SYNRG: variants seen among roughly 807,000 people sequenced by gnomAD.
The protein encoded by SYNRG is AP1 gamma subunit binding protein 1.
SYNRG carries 37 observed loss-of-function variants against 130.9 expected under a neutral mutation model. That is an observed-to-expected ratio of 0.28 (90% CI 0.22 to 0.37). SYNRG has a LOEUF of 0.37. Among genes scored for constraint, SYNRG ranks in the 10% least tolerant of loss-of-function variants. The probability of loss-of-function intolerance (pLI) is 1.00; values close to 1 mark genes in which losing one functional copy is unlikely to be tolerated. For synonymous variants in SYNRG, 539 were observed against 568.1 expected, an observed-to-expected ratio of 0.95 and a Z score of 0.73; for missense variants, 1,338 against 1,588.9, an observed-to-expected ratio of 0.84 and a Z score of 2.68.
chr17:37,561,212 G>A lies in SYNRG; in HGVS notation c.1646C>T (p.Ala549Val), dbSNP rs2145662039. The change falls in exon 13 of 22, where the codon GCA becomes GTA. Residue 549 changes from alanine (A) to valine (V), a missense_variant. Ala to Val is a moderately conservative substitution (Grantham distance 64). Around this residue, in one of 3 missense-constraint regions of SYNRG, gnomAD observed 1,146 missense variants for 1,342.3 expected, o/e 0.85. Coordinates refer to ENST00000612223, the MANE Select transcript of SYNRG (RefSeq NM_007247.6). ...AAACTTACCTAAAGGTTTATTCTCT[G>A]CTGTCTGTTCAAGTTCTCTGAAAGC... ...YSAFRELEQT[A>V]ENKPLGESFA... 6.2e-7 allele frequency: 1 copy of A among 1,613,484 alleles called. No individual in the cohort carries two copies. Among genetic ancestry groups the A allele is most frequent in the East Asian group, 2.2e-5 (1 of 44,850 alleles).
chr17:37,517,207 T>TC lies in SYNRG; in HGVS notation c.*1732dup, dbSNP rs1007848980. On this transcript the variant is annotated 3_prime_UTR_variant, in exon 22 of 22. Coordinates refer to ENST00000612223, the MANE Select transcript of SYNRG (RefSeq NM_007247.6). The stretch of plus-strand genomic sequence containing the variant: ...CAAGCCTGGGCAACAAGAGTGAAAC[T>TC]CCATCTCAAAAAAAAACAAAGAATT... 1 of 152,344 alleles carries TC rather than the reference T, an allele frequency of 6.6e-6. No individual in the cohort carries two copies. The highest frequency in any genetic ancestry group is 2.4e-5 in the African/African-American group (1 of 41,230). 9.4% of individuals were successfully genotyped at this position (152,344 alleles called of 1,614,324 possible). A position where few individuals can be genotyped will look rare whatever the true frequency, so the allele number is the denominator to read the frequency against.
rs755315576 is a variant in SYNRG at position 37,561,529 on chromosome 17, A to G, written c.1542T>C (p.Tyr514=). 14 of 1,613,790 alleles carry G rather than the reference A, an allele frequency of 8.7e-6. No individual in the cohort carries two copies. The highest frequency in any genetic ancestry group is 6.6e-5 in the South Asian group (6 of 91,072). Residue 514 remains tyrosine (Y), a synonymous_variant, in exon 12 of 22, where the codon TAT becomes TAC. Transcript: ENST00000612223. ...CAGCTGCAATTCCTTTAAACACAGC[A>G]TATTTGTCCATTGAAGGCAATGCTT... ...GTKALPSMDK[Y]AVFKGIAADK...
At chr17:37,561,310 G>T in intron 12 of SYNRG, 53 bp from the exon 13 acceptor site, 1 of 1,579,250 alleles carries the variant, frequency 6.3e-7, no homozygotes, top group South Asian at 1.1e-5. Flanking sequence ...TGAAATCACA[G>T]CTCCAGGAAG....
At chr17:37,550,572 C>G (rs1425211857) in intron 14 of SYNRG, among the ~76,000 whole-genome samples, 5 of 151,546 alleles carry the variant, frequency 3.3e-5, no homozygotes, top group Admixed American at 6.6e-5. Context: ...TACAGAAGAG[C>G]TGGAAAAGAA....
At chr17:37,596,727 T>C (rs2062808327) in intron 2 of SYNRG, among the ~76,000 whole-genome samples, 1 of 152,136 alleles carries the variant, frequency 6.6e-6, no homozygotes, top group Non-Finnish European at 1.5e-5. Context: ...ACCAACAGGA[T>C]ACTGTGGAAA....
intron 1 of SYNRG, chr17:37,606,065 T>G: frequency 1.1e-6 from 1 of 944,674 alleles, no homozygotes. Flanking sequence ...AACTATGAAA[T>G]GATTTCCCTG....
rs201811409 is a variant in SYNRG, at chr17:37,561,291, T to A, written c.1601-34A>T. 4 of 1,605,462 alleles carry A rather than the reference T, an allele frequency of 2.5e-6. No individual in the cohort carries two copies. The East Asian group carries it at 8.9e-5, about 36-fold the overall frequency. On this transcript the variant is annotated intron_variant, in intron 12 of 21. Transcript: ENST00000612223. ...GAAAGGACAGAAGCTCAGTTAAGGTTAGGAATCTTGAAATCACAGCTCCAG... is the reference window on the plus strand; with the variant it reads ...GAAAGGACAGAAGCTCAGTTAAGGTAAGGAATCTTGAAATCACAGCTCCAG...
Position 37,542,009 on chromosome 17 carries a change from G to A in SYNRG, c.3165C>T (p.Ile1055=), listed in dbSNP as rs768298351. 3 of 1,614,164 alleles carry A rather than the reference G, an allele frequency of 1.9e-6. No homozygotes were observed. The Admixed American group carries it at 5.0e-5, about 27-fold the overall frequency. Residue 1055 remains isoleucine, a synonymous_variant, in exon 15 of 22, where the codon ATC becomes ATT. Transcript: ENST00000612223. ...GGTCAAAGGTTGCCAGCTCACTTTT[G>A]ATCATTTCTTCACTGGATTTCATTT... ...QSKMKSSEEM[I]KSELATFDLS...
At chr17:37,533,229 C>T (rs368192346) in intron 19 of SYNRG, among the ~76,000 whole-genome samples, 2 of 152,018 alleles carry the variant, frequency 1.3e-5, no homozygotes, top group Non-Finnish European at 2.9e-5. Context: ...GGCGAGACCC[C>T]GTCTCTACCA....
intron 6 of SYNRG, among the ~76,000 whole-genome samples, chr17:37,580,356 A>G (rs2061201015): frequency 6.7e-6 from 1 of 149,724 alleles, no homozygotes. Flanking sequence ...GTGCAATGGC[A>G]TGAGCTCAGC....
intron 21 of SYNRG, 119 bp downstream of exon 21, chr17:37,520,060 C>A: frequency 9.0e-7 from 1 of 1,112,584 alleles, no homozygotes; most frequent in African/African-American, 1.5e-5. Flanking sequence ...ACAAAACTGA[C>A]TCAGTGAAGG....
intron 1 of SYNRG, among the ~76,000 whole-genome samples, chr17:37,605,425 G>C (rs1399618995): frequency 6.6e-6 from 1 of 152,084 alleles, no homozygotes; most frequent in East Asian, 1.9e-4. Context: ...CCCCCTGTCT[G>C]GTTTCCCCTC....
chr17:37,546,401 T>C (rs777956398), intron 14 of SYNRG, among the ~76,000 whole-genome samples: 1 of 152,206 alleles, frequency 6.6e-6, no homozygotes. Context: ...ATATGCCAAA[T>C]TGTTGTTTTA....
At chr17:37,562,390 T>TTTCTTCTTCTTC (rs35772731) in intron 11 of SYNRG, among the ~76,000 whole-genome samples, 34 of 151,810 alleles carry the variant, frequency 2.2e-4, no homozygotes, top group African/African-American at 7.8e-4. Context: ...AGCATTACTT[T>TTTCTTCTTCTTC]TTCTTCTTCT....
intron 6 of SYNRG, 119 bp downstream of exon 6, chr17:37,584,529 G>T: frequency 1.3e-6 from 1 of 764,590 alleles, no homozygotes; most frequent in Non-Finnish European, 2.2e-6. Context: ...TCTGTACTTA[G>T]CTTGAAGGAA....
At chr17:37,593,615 T>A (rs1479300496) in intron 3 of SYNRG, among the ~76,000 whole-genome samples, 6 of 152,136 alleles carry the variant, frequency 3.9e-5, no homozygotes, top group African/African-American at 9.7e-5. Context: ...ACAGGTGTGG[T>A]GGCTCATGCC....
intron 3 of SYNRG, among the ~76,000 whole-genome samples, chr17:37,592,146 A>C (rs1251369290): frequency 6.6e-6 from 1 of 152,226 alleles, no homozygotes; most frequent in Non-Finnish European, 1.5e-5. Context: ...GAAGCTATGA[A>C]AAGGCATTTC....
chr17:37,518,390 T>C lies in SYNRG; in HGVS notation c.*550A>G, dbSNP rs2054585769. 6.6e-6 allele frequency: 1 copy of C among 152,276 alleles called. No individual in the cohort carries two copies. The highest frequency in any genetic ancestry group is 2.1e-4 in the South Asian group (1 of 4,838). The allele number at this position is 152,276 out of a possible 1,614,324, so 9.4% of individuals were successfully genotyped here. A position where few individuals can be genotyped will look rare whatever the true frequency, so the allele number is the denominator to read the frequency against. On this transcript the variant is annotated 3_prime_UTR_variant, in exon 22 of 22. Coordinates refer to ENST00000612223, the MANE Select transcript of SYNRG (RefSeq NM_007247.6). ...AGTTGTGACAACCAAGTGGGTAAAA[T>C]CTGCCCTCACCTGCCTGCTACTGTC... is the stretch of plus-strand genomic sequence containing the variant.
intron 13 of SYNRG, among the ~76,000 whole-genome samples, chr17:37,558,988 T>C (rs749854391): frequency 6.6e-6 from 1 of 152,192 alleles, no homozygotes; most frequent in Non-Finnish European, 1.5e-5. Context: ...CAATGTTTCA[T>C]TGGTTTGTTT....
Sources: allele counts gnomAD v4.1 joint callset (sites outside exome capture counted in the v4.1 genomes callset), GRCh38; gene constraint gnomAD v4.1.1; regional missense constraint gnomAD v4.1.1; transcripts MANE v1.5; gene names NCBI Gene and HGNC (gene_info 2026-07-23, HGNC 2026-07-21).